STXBP5L: variants seen among roughly 807,000 people sequenced by gnomAD.
The protein encoded by STXBP5L is syntaxin binding protein 5L.
STXBP5L carries 65 observed loss-of-function variants against 144.5 expected under a neutral mutation model. The observed-to-expected ratio is 0.45, with a 90% CI of 0.37 to 0.55. The LOEUF is 0.55. STXBP5L is among the 20% of genes least tolerant of loss of function. The pLI, the probability that STXBP5L is intolerant of heterozygous loss-of-function variation, is 0.00. For missense variants in STXBP5L, 1,298 were observed against 1,405.5 expected (o/e 0.92, Z 1.22); for synonymous variants, 505 against 469.6 (o/e 1.08, Z -0.97).
intron 20 of STXBP5L, among the ~76,000 whole-genome samples, chr3:121,327,227 C>T (rs1255593653): frequency 2.6e-5 from 4 of 152,092 alleles, no homozygotes; most frequent in African/African-American, 9.7e-5. Flanking sequence ...CACGAAGTCC[C>T]CTAGACAAAA....
At chr3:120,958,853 G>T (rs1938370820) in intron 3 of STXBP5L, among the ~76,000 whole-genome samples, 1 of 152,314 alleles carries the variant, frequency 6.6e-6, no homozygotes, top group South Asian at 2.1e-4. Context: ...ACAAGACAGG[G>T]ATGCCCTCTC....
At chr3:121,053,419 G>A (rs185259680) in intron 5 of STXBP5L, among the ~76,000 whole-genome samples, 2 of 152,226 alleles carry the variant, frequency 1.3e-5, no homozygotes, top group Admixed American at 1.3e-4. Context: ...ACAGAACAGA[G>A]CCCTCAGAAA....
intron 22 of STXBP5L, among the ~76,000 whole-genome samples, chr3:121,397,776 G>A (rs1174857486): frequency 6.6e-6 from 1 of 152,180 alleles, no homozygotes; most frequent in Non-Finnish European, 1.5e-5. Context: ...AATTATAATT[G>A]GTTGAATAGT....
At chr3:121,302,059 A>G (rs551194708) in intron 19 of STXBP5L, among the ~76,000 whole-genome samples, 50 of 152,356 alleles carry the variant, frequency 3.3e-4, no homozygotes, top group South Asian at 1.0e-3. Context: ...TGCTGGCCGC[A>G]TAAAATGAGT....
intron 5 of STXBP5L, among the ~76,000 whole-genome samples, chr3:121,086,764 C>T (rs1407169385): frequency 6.6e-6 from 1 of 152,038 alleles, no homozygotes; most frequent in East Asian, 1.9e-4. Flanking sequence ...GATTTTTAAG[C>T]ACTCTGGATT....
At chr3:121,138,012 AT>A (rs2045341449) in intron 7 of STXBP5L, among the ~76,000 whole-genome samples, 1 of 152,112 alleles carries the variant, frequency 6.6e-6, no homozygotes, top group East Asian at 1.9e-4. Flanking sequence ...TGATGACATG[AT>A]TTTATACATA....
At position 120,981,126 on chromosome 3, in the gene STXBP5L, A is replaced by G. The variant is rs967508684; in HGVS notation, c.287+26089A>G. Among the ~76,000 whole-genome samples the G allele has an allele frequency of 9.9e-5, 15 of 151,722 alleles. 1 individual carries two copies. Among genetic ancestry groups the G allele is most frequent in the South Asian group, 4.1e-4 (2 of 4,822 alleles). On this transcript the variant is annotated intron_variant, in intron 3 of 26. Coordinates refer to ENST00000471454, the MANE Select transcript of STXBP5L (RefSeq NM_001308330.2). ...GCTGATTAGCCCCTTCTTTCTTTCC[A>G]CTTTTAGGACTTTCTCTTTCATGTT...
At chr3:121,339,363 A>T (rs1200956081) in intron 20 of STXBP5L, among the ~76,000 whole-genome samples, 1 of 152,174 alleles carries the variant, frequency 6.6e-6, no homozygotes, top group East Asian at 1.9e-4. Context: ...GATAAAATAC[A>T]GCATCCTTTT....
At chr3:121,218,343 A>G (rs1473144158) in intron 10 of STXBP5L, among the ~76,000 whole-genome samples, 4 of 143,808 alleles carry the variant, frequency 2.8e-5, no homozygotes, top group African/African-American at 1.0e-4. Context: ...TATATATAAT[A>G]TACTATATAT....
At chr3:121,270,226 G>T in intron 18 of STXBP5L, among the ~76,000 whole-genome samples, 1 of 116,460 alleles carries the variant, frequency 8.6e-6, no homozygotes, top group Admixed American at 8.6e-5. Context: ...TTCCTAAGAA[G>T]AAGAGCTTTT....
At chr3:121,344,671 G>T (rs1278586810) in intron 20 of STXBP5L, among the ~76,000 whole-genome samples, 1 of 151,986 alleles carries the variant, frequency 6.6e-6, no homozygotes, top group Non-Finnish European at 1.5e-5. Flanking sequence ...AGGCAAAGAG[G>T]AGGTTAAAGT....
chr3:121,155,214 T>A (rs2046069623), intron 8 of STXBP5L, among the ~76,000 whole-genome samples: 1 of 151,800 alleles, frequency 6.6e-6, no homozygotes, highest in South Asian at 2.1e-4. Context: ...TCATTCCTCT[T>A]TAGTTAAATT....
At chr3:121,227,450 C>T (rs1218293189) in intron 11 of STXBP5L, among the ~76,000 whole-genome samples, 3 of 152,036 alleles carry the variant, frequency 2.0e-5, no homozygotes, top group Admixed American at 6.6e-5. Flanking sequence ...TGTAGTGGTA[C>T]ACGCCTGTAG....
chr3:121,336,910 C>T (rs1484539626), intron 20 of STXBP5L, among the ~76,000 whole-genome samples: 2 of 152,132 alleles, frequency 1.3e-5, no homozygotes, highest in East Asian at 1.9e-4. Context: ...CCATGGAATA[C>T]CACACAGCCA....
At chr3:121,062,534 T>A (rs2041334245) in intron 5 of STXBP5L, among the ~76,000 whole-genome samples, 1 of 152,260 alleles carries the variant, frequency 6.6e-6, no homozygotes, top group African/African-American at 2.4e-5. Context: ...TTTCCTGAAT[T>A]TGAATGTTGG....
At chr3:121,314,921 A>C (rs564545766) in intron 19 of STXBP5L, among the ~76,000 whole-genome samples, 1 of 152,348 alleles carries the variant, frequency 6.6e-6, no homozygotes, top group Admixed American at 6.5e-5. Flanking sequence ...AATGCAAATC[A>C]AAACCACAAT....
intron 5 of STXBP5L, among the ~76,000 whole-genome samples, chr3:121,108,500 A>G (rs536226277): frequency 6.6e-6 from 1 of 152,224 alleles, no homozygotes; most frequent in Non-Finnish European, 1.5e-5. Flanking sequence ...AGTTTTGTTT[A>G]CATGATGAAT....
intron 15 of STXBP5L, among the ~76,000 whole-genome samples, chr3:121,251,023 C>T (rs1408883990): frequency 1.3e-5 from 2 of 152,132 alleles, no homozygotes; most frequent in South Asian, 2.1e-4. Flanking sequence ...AGGCATGATA[C>T]ATCAGAAAAA....
intron 1 of STXBP5L, 76 bp downstream of exon 1, chr3:120,908,410 C>A: frequency 1.3e-5 from 2 of 156,352 alleles, no homozygotes; most frequent in South Asian, 1.9e-4. Flanking sequence ...GTGGCTCCCT[C>A]GCACCTGTGT....
Sources: gnomAD v4.1 joint callset for allele counts (sites outside exome capture counted in the v4.1 genomes callset) on GRCh38, gnomAD v4.1.1 for gene constraint, MANE v1.5 for transcripts, NCBI Gene and HGNC (gene_info 2026-07-23, HGNC 2026-07-21) for gene names.